The following SEPTIN9 variants were observed in gnomAD, a reference collection of about 807,000 sequenced individuals.
SEPTIN9 encodes septin-9.
Under a neutral mutation model 56.6 loss-of-function variants are expected in SEPTIN9, and 13 were observed. The ratio of observed to expected loss-of-function variants is 0.23; its 90% CI spans 0.15 to 0.37. The LOEUF (loss-of-function observed/expected upper bound fraction) is 0.37. Ranked by LOEUF, SEPTIN9 falls within the 10% of genes least tolerant of loss-of-function variation. SEPTIN9 has a pLI of 1.00. For synonymous variants in SEPTIN9, 332 were observed against 334.1 expected (o/e 0.99, Z 0.07); for missense variants, 650 against 823.1 (o/e 0.79, Z 2.57).
intron 3 of SEPTIN9, among the ~76,000 whole-genome samples, chr17:77,427,440 C>G (rs1033867876): frequency 7.9e-5 from 12 of 152,200 alleles, no homozygotes; most frequent in African/African-American, 1.7e-4. Flanking sequence ...AATAGCTAGA[C>G]TGGGTTTTCC....
At chr17:77,455,319 G>A (rs2038150579) in intron 3 of SEPTIN9, among the ~76,000 whole-genome samples, 1 of 152,132 alleles carries the variant, frequency 6.6e-6, no homozygotes, top group African/African-American at 2.4e-5. Context: ...TTCAGGAAGG[G>A]GGCCCTTCGC....
chr17:77,448,551 G>A lies in SEPTIN9; in HGVS notation c.722-33593G>A, dbSNP rs538798864. On this transcript the variant is annotated intron_variant, in intron 3 of 11. Transcript: ENST00000427177. ...CCAGCATGATAGCCACTGGCTGCACGGGGCCATTTGAACACCTGAAATGTG... is the reference window on the plus strand; with the variant it reads ...CCAGCATGATAGCCACTGGCTGCACAGGGCCATTTGAACACCTGAAATGTG... Among the ~76,000 whole-genome samples the A allele has an allele frequency of 7.9e-5, 12 of 152,206 alleles. No homozygotes were observed. In the East Asian group the frequency reaches 9.6e-4, roughly 12 times the overall value.
intron 1 of SEPTIN9, among the ~76,000 whole-genome samples, chr17:77,295,942 G>A (rs1316141384): frequency 6.6e-6 from 1 of 152,126 alleles, no homozygotes; most frequent in African/African-American, 2.4e-5. Context: ...TTCCTGCGTT[G>A]AAGCCCTAAC....
At chr17:77,320,674 C>T (rs1412744820) in intron 2 of SEPTIN9, among the ~76,000 whole-genome samples, 3 of 152,150 alleles carry the variant, frequency 2.0e-5, no homozygotes, top group Non-Finnish European at 4.4e-5. Context: ...GGGGGACCTG[C>T]CCCCCTGGCT....
intron 1 of SEPTIN9, among the ~76,000 whole-genome samples, chr17:77,297,976 C>T (rs2031889268): frequency 6.6e-6 from 1 of 152,160 alleles, no homozygotes; most frequent in Non-Finnish European, 1.5e-5. Context: ...AAGCTTGGTG[C>T]ATTCCAGGAA....
intron 6 of SEPTIN9, among the ~76,000 whole-genome samples, 194 bp downstream of exon 6, chr17:77,488,515 G>A (rs1276341290): frequency 6.6e-6 from 1 of 152,198 alleles, no homozygotes; most frequent in Non-Finnish European, 1.5e-5. Flanking sequence ...GGGGAATCTT[G>A]CTGTCCCCAA....
At chr17:77,497,162 C>G in intron 10 of SEPTIN9, 153 bp from the exon 11 acceptor site, 1 of 744,388 alleles carries the variant, frequency 1.3e-6, no homozygotes, top group Non-Finnish European at 2.4e-6. Flanking sequence ...CTATACTCAG[C>G]TGCAGAGCAG....
At chr17:77,394,697 G>A (rs1459386103) in intron 2 of SEPTIN9, among the ~76,000 whole-genome samples, 2 of 152,178 alleles carry the variant, frequency 1.3e-5, no homozygotes, top group African/African-American at 4.8e-5. Context: ...CCCAGACTGA[G>A]GCCTGATATG....
chr17:77,306,765 G>A (rs923764584), intron 1 of SEPTIN9, among the ~76,000 whole-genome samples: 8 of 152,248 alleles, frequency 5.3e-5, no homozygotes, highest in African/African-American at 1.7e-4. Context: ...ACACGCTTGG[G>A]TGCAGCCCAG....
intron 1 of SEPTIN9, chr17:77,286,514 C>A (rs896447267): frequency 6.6e-6 from 1 of 152,426 alleles, no homozygotes; most frequent in Admixed American, 6.5e-5. Flanking sequence ...TGGGAGCCAA[C>A]CCTCTGCTTG....
chr17:77,486,487 G>GGT (rs773025304), intron 4 of SEPTIN9, among the ~76,000 whole-genome samples: 4,686 of 143,700 alleles, frequency 0.033, 89 homozygotes, highest in Non-Finnish European at 0.04. Context: ...AGTCTGGAGG[G>GGT]GTGTGTGTGT....
chr17:77,465,509 C>T (rs149714480), intron 3 of SEPTIN9, among the ~76,000 whole-genome samples: 8 of 152,128 alleles, frequency 5.3e-5, no homozygotes, highest in Non-Finnish European at 7.4e-5. Flanking sequence ...GTTGTCTCGC[C>T]GGCACCGGGC....
intron 3 of SEPTIN9, among the ~76,000 whole-genome samples, chr17:77,431,412 G>T (rs952692360): frequency 1.3e-5 from 2 of 152,200 alleles, no homozygotes; most frequent in African/African-American, 4.8e-5. Flanking sequence ...TAAAGGAAAT[G>T]ATCAATAATA....
rs565852410 is a variant in SEPTIN9, at chr17:77,383,898, A to C, written c.77-18161A>C. On this transcript the variant is annotated intron_variant, in intron 2 of 11. Transcript: ENST00000427177. The stretch of plus-strand genomic sequence containing the variant: ...AGTGCCTCAGTTTCCCATCTGTGCA[A>C]TGGGGACAAGAGTAAATCACTGTCT... 2.0e-5 allele frequency among the ~76,000 whole-genome samples: 3 copies of C among 152,360 alleles called. No homozygotes were observed. The South Asian group carries it at 6.2e-4, about 32-fold the overall frequency.
intron 2 of SEPTIN9, chr17:77,322,660 T>G (rs982778516): frequency 7.2e-5 from 11 of 152,228 alleles, no homozygotes; most frequent in Admixed American, 2.0e-4. Flanking sequence ...CGCAGTTCCG[T>G]CATCTGCAAG....
At position 77,329,175 on chromosome 17, in the gene SEPTIN9, G is replaced by A. The variant is rs1054039190; in HGVS notation, c.76+21978G>A. On this transcript the variant is annotated intron_variant, in intron 2 of 11. Transcript: ENST00000427177. The surrounding 1 kb of genome is among the most constrained non-coding windows in gnomAD (Gnocchi z 4.3). ...TATGGTGGGACCTCAGTGCCCTGTG[G>A]CTGCTGAGAATGGCCAGGGGCAGGC... Among the ~76,000 whole-genome samples, 3 of 152,212 alleles carry A rather than the reference G, an allele frequency of 2.0e-5. No individual in the cohort carries two copies.
intron 2 of SEPTIN9, among the ~76,000 whole-genome samples, chr17:77,314,307 G>A (rs1298110403): frequency 6.7e-6 from 1 of 149,330 alleles, no homozygotes; most frequent in African/African-American, 2.5e-5. Context: ...CTCCCAAGTA[G>A]CTGGGATTAC....
rs551649063 is a variant in SEPTIN9 at position 77,402,710 on chromosome 17, C to T, written c.721+7C>T. 2.4e-5 allele frequency: 38 copies of T among 1,573,392 alleles called. No homozygotes were observed. In the East Asian group the frequency reaches 4.3e-4, roughly 18 times the overall value. On this transcript the variant is annotated splice_region_variant and intron_variant, in intron 3 of 11. Coordinates refer to ENST00000427177, the MANE Select transcript of SEPTIN9 (RefSeq NM_001113491.2). This position sits in a 1 kb window ranked among gnomAD's most constrained non-coding sequence, Gnocchi z 6.6. ...ACACCCCGGAGCCAGGAGGGTGAGT[C>T]GCAGAGCGCTAGGTCTTGGATGCTG...
At chr17:77,364,454 C>T (rs2034512864) in intron 2 of SEPTIN9, among the ~76,000 whole-genome samples, 2 of 152,266 alleles carry the variant, frequency 1.3e-5, no homozygotes, top group South Asian at 4.1e-4. Flanking sequence ...CCCCCACACA[C>T]ATTTGGCTGT....
Sources: allele counts gnomAD v4.1 joint callset (sites outside exome capture counted in the v4.1 genomes callset), GRCh38; gene constraint gnomAD v4.1.1; non-coding constraint Gnocchi (gnomAD v3.1); transcripts MANE v1.5; gene names NCBI Gene and HGNC (gene_info 2026-07-23, HGNC 2026-07-21).